Variants in ATRNL1 observed in about 807,000 individuals in gnomAD.
ATRNL1 encodes the protein attractin like 1.
In ATRNL1, 95 loss-of-function variants were observed where a neutral mutation model predicts 182.7. The ratio of observed to expected loss-of-function variants is 0.52; its 90% CI spans 0.44 to 0.62. ATRNL1 has a LOEUF of 0.62. ATRNL1 is among the 20% of genes least tolerant of loss of function. The pLI is 0.00. For synonymous variants in ATRNL1, 576 were observed against 568.3 expected, an observed-to-expected ratio of 1.01 and a Z score of -0.19; for missense variants, 1,471 against 1,679.5, an observed-to-expected ratio of 0.88 and a Z score of 2.17.
intron 10 of ATRNL1, 100 bp downstream of exon 10, chr10:115,241,825 TAG>T: frequency 1.0e-6 from 1 of 956,588 alleles, no homozygotes; most frequent in Non-Finnish European, 1.5e-6. Flanking sequence ...TATGTCATTT[TAG>T]AGTTAAGTGA....
At chr10:115,611,184 A>C (rs1857137973) in intron 26 of ATRNL1, among the ~76,000 whole-genome samples, 1 of 152,098 alleles carries the variant, frequency 6.6e-6, no homozygotes, top group Non-Finnish European at 1.5e-5. Flanking sequence ...TTGTTAAACA[A>C]GCAGAATAAT....
chr10:115,795,867 G>C (rs1949642218), intron 27 of ATRNL1, among the ~76,000 whole-genome samples: 1 of 151,962 alleles, frequency 6.6e-6, no homozygotes, highest in Non-Finnish European at 1.5e-5. Context: ...GTGAGATTTG[G>C]GTGGGGACAC....
At chr10:115,500,419 C>T (rs1554979814) in intron 24 of ATRNL1, among the ~76,000 whole-genome samples, 1 of 151,998 alleles carries the variant, frequency 6.6e-6, no homozygotes, top group African/African-American at 2.4e-5. Flanking sequence ...TAGAATCTAA[C>T]ATCAGGTGTC....
At chr10:115,550,801 CA>C (rs1418140252) in intron 26 of ATRNL1, among the ~76,000 whole-genome samples, 8 of 151,814 alleles carry the variant, frequency 5.3e-5, no homozygotes, top group Non-Finnish European at 1.5e-5. Context: ...TAATTATAGG[CA>C]GGTAGTGTGA....
At chr10:115,374,605 T>G (rs1196488457) in intron 19 of ATRNL1, among the ~76,000 whole-genome samples, 1 of 151,818 alleles carries the variant, frequency 6.6e-6, no homozygotes, top group Admixed American at 6.6e-5. Flanking sequence ...TCTTCTTTTT[T>G]GAAGTAACCA....
chr10:115,223,257 G>A (rs1849540980), intron 9 of ATRNL1, among the ~76,000 whole-genome samples: 4 of 152,290 alleles, frequency 2.6e-5, no homozygotes, highest in Admixed American at 1.3e-4. Flanking sequence ...CTCCAGCCTG[G>A]ACGACAGAGA....
chr10:115,249,137 A>G (rs549743659), intron 10 of ATRNL1, among the ~76,000 whole-genome samples: 10 of 151,878 alleles, frequency 6.6e-5, no homozygotes, highest in Non-Finnish European at 1.5e-4. Flanking sequence ...GCCTGCCACC[A>G]TCTCCGGCTA....
intron 27 of ATRNL1, among the ~76,000 whole-genome samples, chr10:115,834,906 G>A (rs782109576): frequency 2.6e-4 from 39 of 152,242 alleles, no homozygotes; most frequent in Middle Eastern, 3.4e-3. Context: ...CAACTAAGAT[G>A]ACATATTCAT....
intron 8 of ATRNL1, among the ~76,000 whole-genome samples, chr10:115,173,562 G>A (rs1264987335): frequency 6.6e-6 from 1 of 151,794 alleles, no homozygotes; most frequent in Non-Finnish European, 1.5e-5. Context: ...TGTGAAAGTG[G>A]AAGTAAAATT....
At chr10:115,677,437 G>A (rs1345188071) in intron 26 of ATRNL1, among the ~76,000 whole-genome samples, 17 of 152,028 alleles carry the variant, frequency 1.1e-4, no homozygotes, top group Non-Finnish European at 2.9e-5. Context: ...AACTTGAATT[G>A]TCTCTCCCAG....
chr10:115,373,881 TA>T (rs1857522444), intron 19 of ATRNL1, among the ~76,000 whole-genome samples: 1 of 151,920 alleles, frequency 6.6e-6, no homozygotes, highest in African/African-American at 2.4e-5. Flanking sequence ...GCTGGCCATA[TA>T]AAAATGAGTT....
intron 1 of ATRNL1, among the ~76,000 whole-genome samples, chr10:115,115,878 G>T (rs1387042133): frequency 6.6e-6 from 1 of 152,042 alleles, no homozygotes; most frequent in Non-Finnish European, 1.5e-5. Context: ...TTTTAGTATT[G>T]TCTAATATTT....
intron 21 of ATRNL1, among the ~76,000 whole-genome samples, chr10:115,457,102 A>T (rs1435775176): frequency 2.0e-5 from 3 of 152,062 alleles, no homozygotes; most frequent in African/African-American, 7.2e-5. Flanking sequence ...TTTTCTCGTG[A>T]CCATGAGGAA....
intron 19 of ATRNL1, among the ~76,000 whole-genome samples, chr10:115,386,385 G>A (rs1168847123): frequency 7.2e-5 from 11 of 152,100 alleles, no homozygotes; most frequent in African/African-American, 2.7e-4. Flanking sequence ...GCAGATCCTT[G>A]ACCTGGCGAC....
chr10:115,195,204 A>G (rs1253004490), intron 8 of ATRNL1, among the ~76,000 whole-genome samples: 2 of 152,054 alleles, frequency 1.3e-5, no homozygotes, highest in African/African-American at 4.8e-5. Context: ...AGTGAGTTTT[A>G]TACCTTTAGA....
At chr10:115,717,679 G>A (rs1394423047) in intron 26 of ATRNL1, among the ~76,000 whole-genome samples, 1 of 150,702 alleles carries the variant, frequency 6.6e-6, no homozygotes, top group East Asian at 2.0e-4. Context: ...AGCCTCCTGA[G>A]TAGCTGGGAC....
chr10:115,645,072 A>AT (rs1163149030), intron 26 of ATRNL1, among the ~76,000 whole-genome samples: 7 of 152,082 alleles, frequency 4.6e-5, no homozygotes, highest in African/African-American at 1.7e-4. Flanking sequence ...ATTTTGCTTC[A>AT]TTACTCAACA....
At chr10:115,256,686 A>G (rs1851155181) in intron 10 of ATRNL1, among the ~76,000 whole-genome samples, 1 of 151,862 alleles carries the variant, frequency 6.6e-6, no homozygotes, top group Non-Finnish European at 1.5e-5. Flanking sequence ...TAGCTTTTTG[A>G]ATGTGTTTGC....
intron 1 of ATRNL1, among the ~76,000 whole-genome samples, chr10:115,103,177 A>G (rs1436156967): frequency 3.3e-5 from 5 of 151,352 alleles, no homozygotes; most frequent in Non-Finnish European, 4.4e-5. Context: ...AGCTGGGATT[A>G]CGGGCGCCCA....
Sources: allele counts gnomAD v4.1 joint callset (sites outside exome capture counted in the v4.1 genomes callset), GRCh38; gene constraint gnomAD v4.1.1; transcripts MANE v1.5; gene names NCBI Gene and HGNC (gene_info 2026-07-23, HGNC 2026-07-21).